MGAT4C: variants seen among roughly 807,000 people sequenced by gnomAD.
MGAT4C encodes MGAT4 family member C.
A neutral mutation model predicts 40.1 loss-of-function variants in MGAT4C; 19 were observed. The ratio of observed to expected loss-of-function variants is 0.47; its 90% CI spans 0.33 to 0.70. The LOEUF (loss-of-function observed/expected upper bound fraction) is 0.70. MGAT4C is among the 30% of genes least tolerant of loss of function. The probability of loss-of-function intolerance (pLI) is 0.02; values close to 1 mark genes in which losing one functional copy is unlikely to be tolerated. For missense variants in MGAT4C, 491 were observed against 563.2 expected (o/e 0.87, Z 1.30); for synonymous variants, 181 against 187.1 (o/e 0.97, Z 0.27).
intron 2 of MGAT4C, among the ~76,000 whole-genome samples, chr12:86,020,463 C>T (rs1889588636): frequency 6.6e-6 from 1 of 152,062 alleles, no homozygotes; most frequent in Admixed American, 6.6e-5. Context: ...TTTGACAAAC[C>T]TGACAAAAAC....
chr12:86,477,193 A>C (rs1235489060), intron 2 of MGAT4C, among the ~76,000 whole-genome samples: 3 of 152,054 alleles, frequency 2.0e-5, no homozygotes, highest in Non-Finnish European at 4.4e-5. Flanking sequence ...ACATTGAAAA[A>C]AAAGAAAATG....
intron 2 of MGAT4C, among the ~76,000 whole-genome samples, chr12:86,530,371 C>G (rs887611579): frequency 7.9e-5 from 12 of 151,948 alleles, no homozygotes; most frequent in Admixed American, 2.6e-4. Context: ...GCCTCTGAAT[C>G]TTATTTCTAT....
At chr12:86,772,640 C>CA (rs398020451) in intron 1 of MGAT4C, among the ~76,000 whole-genome samples, 1 of 149,704 alleles carries the variant, frequency 6.7e-6, no homozygotes, top group East Asian at 1.9e-4. Flanking sequence ...CATGATGGTC[C>CA]AGAGGACTTA....
chr12:86,706,045 A>G (rs1009565176), intron 2 of MGAT4C, among the ~76,000 whole-genome samples: 1 of 152,328 alleles, frequency 6.6e-6, no homozygotes, highest in Non-Finnish European at 1.5e-5. Context: ...AACAAGGTCC[A>G]TAAGTAGGCC....
intron 4 of MGAT4C, 47 bp from the exon 5 acceptor site, chr12:85,980,477 G>A (rs1328265276): frequency 1.4e-6 from 2 of 1,472,824 alleles, no homozygotes; most frequent in Non-Finnish European, 1.8e-6. Flanking sequence ...CTAGAAATAT[G>A]GAAAAAGTAA....
At chr12:86,284,208 T>C (rs1484764419) in intron 4 of MGAT4C, among the ~76,000 whole-genome samples, 2 of 151,996 alleles carry the variant, frequency 1.3e-5, no homozygotes, top group Admixed American at 6.6e-5. Flanking sequence ...TTTTAAAATA[T>C]TGAATACACA....
At chr12:86,459,110 T>C (rs1015022975) in intron 2 of MGAT4C, among the ~76,000 whole-genome samples, 11 of 152,132 alleles carry the variant, frequency 7.2e-5, no homozygotes, top group African/African-American at 2.4e-4. Context: ...ACATGTATAT[T>C]ATAATACATA....
intron 4 of MGAT4C, among the ~76,000 whole-genome samples, chr12:86,293,840 T>C (rs536389905): frequency 2.0e-5 from 3 of 152,172 alleles, no homozygotes; most frequent in Non-Finnish European, 4.4e-5. Context: ...CCTCCTGACC[T>C]GTGAAGAAGG....
At chr12:86,261,933 T>C (rs927996522) in intron 4 of MGAT4C, among the ~76,000 whole-genome samples, 2 of 152,128 alleles carry the variant, frequency 1.3e-5, no homozygotes, top group African/African-American at 4.8e-5. Context: ...TTTAACCCAT[T>C]TATGCCTCAG....
intron 1 of MGAT4C, among the ~76,000 whole-genome samples, chr12:86,074,808 A>G (rs942104438): frequency 6.6e-6 from 1 of 151,528 alleles, no homozygotes; most frequent in Non-Finnish European, 1.5e-5. Flanking sequence ...CCCTTATAAA[A>G]GCATCAGATC....
At chr12:86,216,424 C>T (rs759387242) in intron 1 of MGAT4C, among the ~76,000 whole-genome samples, 40 of 152,258 alleles carry the variant, frequency 2.6e-4, no homozygotes, top group Non-Finnish European at 4.6e-4. Flanking sequence ...AACGATGTAG[C>T]CATCTGGGCA....
intron 2 of MGAT4C, among the ~76,000 whole-genome samples, chr12:86,633,060 T>C (rs1471552693): frequency 6.6e-6 from 1 of 151,892 alleles, no homozygotes; most frequent in Non-Finnish European, 1.5e-5. Context: ...ATATATTATA[T>C]ATTTGAAGGG....
At chr12:86,789,661 G>A (rs533864581) in intron 1 of MGAT4C, among the ~76,000 whole-genome samples, 32 of 152,142 alleles carry the variant, frequency 2.1e-4, no homozygotes, top group African/African-American at 7.5e-4. Flanking sequence ...AATGGTACTC[G>A]TTCCTGTAAT....
chr12:86,613,784 C>T (rs567688136), intron 2 of MGAT4C, among the ~76,000 whole-genome samples: 6 of 152,102 alleles, frequency 3.9e-5, no homozygotes, highest in African/African-American at 1.4e-4. Flanking sequence ...TCATAAATGT[C>T]AAATGGAACA....
chr12:86,532,456 T>C (rs938821982), intron 2 of MGAT4C, among the ~76,000 whole-genome samples: 1 of 152,052 alleles, frequency 6.6e-6, no homozygotes, highest in Non-Finnish European at 1.5e-5. Flanking sequence ...TTTAACAATG[T>C]AGAAAATTTG....
At chr12:86,115,823 T>C (rs1311689141) in intron 1 of MGAT4C, among the ~76,000 whole-genome samples, 1 of 152,062 alleles carries the variant, frequency 6.6e-6, no homozygotes, top group Non-Finnish European at 1.5e-5. Flanking sequence ...TGAACATCTA[T>C]CTACCTTGTG....
chr12:86,080,446 G>C (rs1870614834), intron 1 of MGAT4C, among the ~76,000 whole-genome samples: 2 of 151,902 alleles, frequency 1.3e-5, no homozygotes, highest in Admixed American at 6.6e-5. Flanking sequence ...TTTCACACTG[G>C]AAATTATCAA....
intron 3 of MGAT4C, among the ~76,000 whole-genome samples, chr12:86,397,337 C>T (rs75881414): frequency 0.027 from 4,101 of 152,196 alleles, 155 homozygotes; most frequent in African/African-American, 0.085. Flanking sequence ...CCTTCAAAAC[C>T]TCCCAAACCC....
intron 2 of MGAT4C, among the ~76,000 whole-genome samples, chr12:86,534,969 A>G (rs925268380): frequency 1.3e-5 from 2 of 152,120 alleles, no homozygotes; most frequent in Non-Finnish European, 2.9e-5. Flanking sequence ...CAAAAGAAAA[A>G]TACAGAGGTA....
Sources: allele counts gnomAD v4.1 joint callset (sites outside exome capture counted in the v4.1 genomes callset), GRCh38; gene constraint gnomAD v4.1.1; transcripts MANE v1.5; gene names NCBI Gene and HGNC (gene_info 2026-07-23, HGNC 2026-07-21).